Variants in GRIK2 observed in about 807,000 individuals in gnomAD.
GRIK2 encodes glutamate receptor ionotropic, kainate 2.
Under a neutral mutation model 100.3 loss-of-function variants are expected in GRIK2, and 32 were observed. The ratio of observed to expected loss-of-function variants is 0.32; its 90% CI spans 0.24 to 0.43. GRIK2 has a LOEUF of 0.43. GRIK2 is among the 20% of genes least tolerant of loss of function. The pLI is 1.00. For synonymous variants in GRIK2, 417 were observed against 389.4 expected (o/e 1.07, Z -0.83); for missense variants, 843 against 1,114.9 (o/e 0.76, Z 3.47).
chr6:101,422,164 C>T (rs553085002), intron 2 of GRIK2, among the ~76,000 whole-genome samples: 122 of 152,234 alleles, frequency 8.0e-4, no homozygotes, highest in Non-Finnish European at 6.6e-4. Flanking sequence ...ATGGAAGTAC[C>T]ACCTCTGAGA....
intron 2 of GRIK2, among the ~76,000 whole-genome samples, chr6:101,521,776 T>C (rs1308444775): frequency 6.6e-6 from 1 of 151,938 alleles, no homozygotes; most frequent in Non-Finnish European, 1.5e-5. Context: ...TGTCTGTTCC[T>C]TCCCCCTTAT....
chr6:101,504,105 G>T (rs926527767), intron 2 of GRIK2, among the ~76,000 whole-genome samples: 7 of 151,948 alleles, frequency 4.6e-5, no homozygotes, highest in Non-Finnish European at 8.8e-5. Flanking sequence ...GTGGAAAATG[G>T]GTCATATTCT....
intron 14 of GRIK2, among the ~76,000 whole-genome samples, chr6:101,960,329 T>C (rs1792216706): frequency 6.6e-6 from 1 of 152,106 alleles, no homozygotes; most frequent in Non-Finnish European, 1.5e-5. Context: ...TTATCTGTCA[T>C]TTCAGAATTT....
chr6:102,033,438 A>G (rs1161330051), intron 14 of GRIK2, among the ~76,000 whole-genome samples: 3 of 151,222 alleles, frequency 2.0e-5, no homozygotes, highest in Non-Finnish European at 4.4e-5. Flanking sequence ...GGGTTGGGGG[A>G]GTCATCATGC....
intron 4 of GRIK2, among the ~76,000 whole-genome samples, chr6:101,628,327 G>T (rs979836872): frequency 6.6e-6 from 1 of 151,756 alleles, no homozygotes; most frequent in Non-Finnish European, 1.5e-5. Flanking sequence ...AGAGTGAAAT[G>T]CATCTAGATA....
chr6:101,849,783 C>A (rs1262725010), intron 10 of GRIK2, among the ~76,000 whole-genome samples: 1 of 145,160 alleles, frequency 6.9e-6, no homozygotes, highest in East Asian at 2.1e-4. Context: ...TTTCATTTGG[C>A]CCATAGGGAT....
intron 2 of GRIK2, among the ~76,000 whole-genome samples, chr6:101,480,081 A>G (rs1222395057): frequency 2.0e-5 from 3 of 152,164 alleles, no homozygotes; most frequent in Non-Finnish European, 4.4e-5. Flanking sequence ...CTGCAAATTT[A>G]CAAAGGAACA....
chr6:101,610,815 T>A (rs1299581332), intron 2 of GRIK2, among the ~76,000 whole-genome samples: 1 of 151,784 alleles, frequency 6.6e-6, no homozygotes, highest in Non-Finnish European at 1.5e-5. Flanking sequence ...AAGCACATGC[T>A]TTTTACCTTC....
At chr6:101,592,588 CATATATATATATATAT>C (rs3056161) in intron 2 of GRIK2, among the ~76,000 whole-genome samples, 3,248 of 101,958 alleles carry the variant, frequency 0.032, 267 homozygotes, top group African/African-American at 0.12. Context: ...ACTAATATCA[CATATATATATATATAT>C]ATATATATAT....
At chr6:101,939,307 G>T (rs1790810087) in intron 14 of GRIK2, among the ~76,000 whole-genome samples, 1 of 151,902 alleles carries the variant, frequency 6.6e-6, no homozygotes, top group Non-Finnish European at 1.5e-5. Flanking sequence ...TAAATCGAGA[G>T]TATATGTCTT....
At chr6:101,442,010 G>T (rs965729048) in intron 2 of GRIK2, among the ~76,000 whole-genome samples, 4 of 151,990 alleles carry the variant, frequency 2.6e-5, no homozygotes, top group Admixed American at 2.0e-4. Context: ...CCAATTCTTG[G>T]GAGAGGGAAA....
chr6:101,647,728 A>G (rs1781596939), intron 4 of GRIK2, among the ~76,000 whole-genome samples: 1 of 152,088 alleles, frequency 6.6e-6, no homozygotes, highest in South Asian at 2.1e-4. Context: ...AGCCTCTGCC[A>G]TATTTTAAAA....
At chr6:101,482,674 C>T (rs761642772) in intron 2 of GRIK2, among the ~76,000 whole-genome samples, 1 of 151,832 alleles carries the variant, frequency 6.6e-6, no homozygotes, top group Non-Finnish European at 1.5e-5. Flanking sequence ...AAAAGACAGA[C>T]ATGTTAAGAG....
intron 2 of GRIK2, among the ~76,000 whole-genome samples, chr6:101,503,501 A>G (rs1334696665): frequency 6.6e-6 from 1 of 152,148 alleles, no homozygotes; most frequent in African/African-American, 2.4e-5. Flanking sequence ...TTAACCGAAA[A>G]AAGCAAATCA....
rs148681971 is a variant in GRIK2 at position 101,795,708 on chromosome 6, C to T, written c.952-3940C>T. On this transcript the variant is annotated intron_variant, in intron 7 of 16. Coordinates refer to ENST00000369134, the MANE Select transcript of GRIK2 (RefSeq NM_021956.5). ...TGGACCAGCCCTCAGGAGAAGTGCA[C>T]GGACACCAGCAGTGGTGAACAAGGC... is the stretch of plus-strand genomic sequence containing the variant. Among the ~76,000 whole-genome samples, 393 of 152,256 alleles carry T rather than the reference C, an allele frequency of 2.6e-3. 4 individuals carry two copies. The highest frequency in any genetic ancestry group is 8.8e-3 in the African/African-American group (364 of 41,562).
intron 2 of GRIK2, among the ~76,000 whole-genome samples, chr6:101,613,572 C>T (rs1282118012): frequency 1.3e-5 from 2 of 151,506 alleles, no homozygotes; most frequent in Non-Finnish European, 3.0e-5. Context: ...TAAAAAAGTA[C>T]ATCACAAACA....
intron 2 of GRIK2, among the ~76,000 whole-genome samples, chr6:101,506,477 T>C (rs1224613630): frequency 1.3e-5 from 2 of 152,148 alleles, no homozygotes; most frequent in Non-Finnish European, 2.9e-5. Context: ...TTTCTAAATA[T>C]ATGATTTCAG....
At chr6:101,556,864 G>A (rs879579871) in intron 2 of GRIK2, among the ~76,000 whole-genome samples, 1 of 152,096 alleles carries the variant, frequency 6.6e-6, no homozygotes, top group Non-Finnish European at 1.5e-5. Flanking sequence ...CTTCTTAATG[G>A]TGATATTTTT....
chr6:102,041,704 A>G (rs1423589497), intron 15 of GRIK2, among the ~76,000 whole-genome samples: 1 of 151,592 alleles, frequency 6.6e-6, no homozygotes, highest in Non-Finnish European at 1.5e-5. Context: ...ATAAAGATTG[A>G]GCATATTATA....
Sources: allele counts gnomAD v4.1 joint callset (sites outside exome capture counted in the v4.1 genomes callset), GRCh38; gene constraint gnomAD v4.1.1; transcripts MANE v1.5; gene names NCBI Gene and HGNC (gene_info 2026-07-23, HGNC 2026-07-21).